SLC9A9: variants seen among roughly 807,000 people sequenced by gnomAD.
SLC9A9 encodes sodium/hydrogen exchanger 9.
Under a neutral mutation model 77.8 loss-of-function variants are expected in SLC9A9, and 62 were observed. The ratio of observed to expected loss-of-function variants is 0.80; its 90% CI spans 0.65 to 0.98. SLC9A9 has a LOEUF of 0.98. SLC9A9 is among the 50% of genes least tolerant of loss of function. SLC9A9 has a pLI of 0.00. For synonymous variants in SLC9A9, 320 were observed against 283.5 expected (o/e 1.13, Z -1.29); for missense variants, 775 against 774.9 (o/e 1.00, Z 0.00).
rs549451929 is a variant in SLC9A9, at chr3:143,827,782, T to C, written c.378+4237A>G. Among the ~76,000 whole-genome samples, 5 of 152,328 alleles carry C rather than the reference T, an allele frequency of 3.3e-5. No homozygotes were observed. In the South Asian group the frequency reaches 1.0e-3, roughly 32 times the overall value. On this transcript the variant is annotated intron_variant, in intron 2 of 15. Coordinates refer to ENST00000316549, the MANE Select transcript of SLC9A9 (RefSeq NM_173653.4). ...TATATTTTTCTAAGAGTAAAACCCA[T>C]TTTCAAATCATGTAACTTTTAGAAA...
At chr3:143,436,512 G>A (rs771783135) in intron 12 of SLC9A9, among the ~76,000 whole-genome samples, 1 of 152,200 alleles carries the variant, frequency 6.6e-6, no homozygotes, top group Non-Finnish European at 1.5e-5. Context: ...GTTCTAATGA[G>A]TCCCTTCCAA....
At position 143,437,543 on chromosome 3, in the gene SLC9A9, C is replaced by T. The variant is rs554517550; in HGVS notation, c.1469+29494G>A. ...GCACTAAAGATCTAAGACTTTAGTT[C>T]AGAAAACAGCTGATATCTACTAGAA... On this transcript the variant is annotated intron_variant, in intron 12 of 15. Coordinates refer to ENST00000316549, the MANE Select transcript of SLC9A9 (RefSeq NM_173653.4). Among the ~76,000 whole-genome samples the T allele has an allele frequency of 1.4e-4, 21 of 152,346 alleles. 1 individual carries two copies. Among genetic ancestry groups the T allele is most frequent in the Admixed American group, 1.2e-3 (18 of 15,304 alleles).
intron 14 of SLC9A9, among the ~76,000 whole-genome samples, chr3:143,327,504 C>G (rs905661088): frequency 1.3e-5 from 2 of 152,148 alleles, no homozygotes; most frequent in African/African-American, 4.8e-5. Flanking sequence ...CTTTTACTAC[C>G]AGCAGATTGA....
intron 5 of SLC9A9, among the ~76,000 whole-genome samples, chr3:143,668,187 T>C (rs1353688675): frequency 1.3e-5 from 2 of 151,870 alleles, no homozygotes; most frequent in Non-Finnish European, 2.9e-5. Flanking sequence ...TGTAGGGACA[T>C]GGATGAAGCT....
chr3:143,602,790 C>T (rs1017440811), intron 6 of SLC9A9, among the ~76,000 whole-genome samples: 10 of 152,172 alleles, frequency 6.6e-5, no homozygotes, highest in Admixed American at 6.5e-4. Context: ...ACCCCTTTAA[C>T]CTTGGAAAAC....
intron 1 of SLC9A9, among the ~76,000 whole-genome samples, chr3:143,840,884 A>G (rs2009689257): frequency 6.6e-6 from 1 of 152,184 alleles, no homozygotes; most frequent in African/African-American, 2.4e-5. Context: ...CTGTTTCCTT[A>G]TATGCAAACT....
At chr3:143,813,574 G>T (rs1490277162) in intron 2 of SLC9A9, among the ~76,000 whole-genome samples, 4 of 152,160 alleles carry the variant, frequency 2.6e-5, no homozygotes, top group Non-Finnish European at 4.4e-5. Context: ...GCAGAGCCCA[G>T]CATGGAGGCC....
chr3:143,342,132 A>G (rs1194915199), intron 14 of SLC9A9: 1 of 152,216 alleles, frequency 6.6e-6, no homozygotes, highest in African/African-American at 2.4e-5. Context: ...CCATCATTGA[A>G]GCTGCTTGTT....
At chr3:143,685,245 T>C (rs1398128179) in intron 5 of SLC9A9, among the ~76,000 whole-genome samples, 2 of 152,138 alleles carry the variant, frequency 1.3e-5, no homozygotes, top group African/African-American at 2.4e-5. Flanking sequence ...AATGAGATGT[T>C]TCACTTTTTT....
At chr3:143,366,648 G>A (rs1431748939) in intron 13 of SLC9A9, among the ~76,000 whole-genome samples, 6 of 152,170 alleles carry the variant, frequency 3.9e-5, no homozygotes, top group Non-Finnish European at 8.8e-5. Context: ...CCATATGCCA[G>A]ACACTATTCT....
chr3:143,434,523 C>T (rs1278610119), intron 12 of SLC9A9, among the ~76,000 whole-genome samples: 1 of 152,148 alleles, frequency 6.6e-6, no homozygotes, highest in African/African-American at 2.4e-5. Context: ...AACTTCTAAC[C>T]ACCGTAGCCC....
intron 4 of SLC9A9, among the ~76,000 whole-genome samples, chr3:143,738,389 C>T (rs1253260944): frequency 6.6e-6 from 1 of 152,160 alleles, no homozygotes. Context: ...TTGACTTCCC[C>T]CTCTAGCCGT....
chr3:143,435,974 T>C (rs2034614799), intron 12 of SLC9A9, among the ~76,000 whole-genome samples: 1 of 152,154 alleles, frequency 6.6e-6, no homozygotes, highest in South Asian at 2.1e-4. Flanking sequence ...AAAGGAAAAT[T>C]ACAGACACAA....
At chr3:143,379,484 T>G (rs939845319) in intron 13 of SLC9A9, among the ~76,000 whole-genome samples, 2 of 152,252 alleles carry the variant, frequency 1.3e-5, no homozygotes, top group African/African-American at 4.8e-5. Context: ...TTCTGAAACG[T>G]AAGTTCTTTG....
intron 8 of SLC9A9, among the ~76,000 whole-genome samples, chr3:143,562,230 G>C (rs2037099747): frequency 6.6e-6 from 1 of 152,200 alleles, no homozygotes; most frequent in South Asian, 2.1e-4. Context: ...TGGTAGAATA[G>C]TGGGTGATAA....
intron 4 of SLC9A9, among the ~76,000 whole-genome samples, chr3:143,728,147 C>T (rs767769494): frequency 6.6e-6 from 1 of 152,126 alleles, no homozygotes; most frequent in African/African-American, 2.4e-5. Context: ...GTGAGGCACT[C>T]GAGGCTGAGT....
chr3:143,464,039 A>C (rs369338730), intron 12 of SLC9A9, among the ~76,000 whole-genome samples: 7 of 152,338 alleles, frequency 4.6e-5, no homozygotes, highest in African/African-American at 1.7e-4. Flanking sequence ...CATATCAAAT[A>C]ATTTCAGAGA....
intron 6 of SLC9A9, among the ~76,000 whole-genome samples, chr3:143,610,028 C>T (rs1482727046): frequency 6.6e-6 from 1 of 152,196 alleles, no homozygotes; most frequent in Non-Finnish European, 1.5e-5. Flanking sequence ...TTTCATAAAT[C>T]TGCCAGCCCC....
At chr3:143,739,937 C>T (rs754471781) in intron 4 of SLC9A9, among the ~76,000 whole-genome samples, 87 of 152,186 alleles carry the variant, frequency 5.7e-4, no homozygotes, top group Non-Finnish European at 1.2e-3. Context: ...GTTTTTATCA[C>T]TGTCCACATC....
Sources: gnomAD v4.1 joint callset for allele counts (sites outside exome capture counted in the v4.1 genomes callset) on GRCh38, gnomAD v4.1.1 for gene constraint, MANE v1.5 for transcripts, NCBI Gene and HGNC (gene_info 2026-07-23, HGNC 2026-07-21) for gene names.